The following DMD variants were observed in gnomAD, a reference collection of about 807,000 sequenced individuals.
DMD encodes the protein dystrophin.
Under a neutral mutation model 330.1 loss-of-function variants are expected in DMD, and 63 were observed. That is an observed-to-expected ratio of 0.19 (90% confidence interval 0.16 to 0.24). DMD has a LOEUF of 0.24. Ranked by LOEUF, DMD falls within the 10% of genes least tolerant of loss-of-function variation. The pLI, the probability that DMD is intolerant of heterozygous loss-of-function variation, is 1.00. For missense variants in DMD, 3,344 were observed against 2,684.1 expected (o/e 1.25, Z -5.43); for synonymous variants, 1,223 against 959.8 (o/e 1.27, Z -5.07).
chrX:32,398,681 G>A (rs756140503), intron 30 of DMD, among the ~76,000 whole-genome samples: 1 of 111,205 alleles, frequency 9.0e-6, no homozygotes, highest in Non-Finnish European at 1.9e-5. Context: ...TAATAGAAGA[G>A]TTCATTATAA....
intron 7 of DMD, among the ~76,000 whole-genome samples, chrX:32,703,017 T>TC (rs1443279199): frequency 9.0e-6 from 1 of 111,465 alleles, no homozygotes; most frequent in Non-Finnish European, 1.9e-5. Flanking sequence ...CCTCCATGAT[T>TC]CTTATCATGC....
chrX:32,275,306 T>C (rs955456855), intron 43 of DMD, among the ~76,000 whole-genome samples: 2 of 111,896 alleles, frequency 1.8e-5, no homozygotes, highest in Non-Finnish European at 3.8e-5. Context: ...TTTCTCGAAG[T>C]TTATGATGGT....
intron 60 of DMD, among the ~76,000 whole-genome samples, chrX:31,380,868 G>T (rs183563452): frequency 0.17 from 18,182 of 108,150 alleles, 2,244 homozygotes; most frequent in African/African-American, 0.42. Flanking sequence ...CTGCCTCAAG[G>T]CTTCACAGAC....
At chrX:33,070,525 T>C (rs1428781520) in intron 1 of DMD, among the ~76,000 whole-genome samples, 1 of 109,081 alleles carries the variant, frequency 9.2e-6, no homozygotes, top group Non-Finnish European at 1.9e-5. Flanking sequence ...TGATCTTATG[T>C]AAAGAACACA....
At chrX:32,619,696 G>A (rs808512) in intron 11 of DMD, among the ~76,000 whole-genome samples, 2,191 of 111,649 alleles carry the variant, frequency 0.02, 26 homozygotes, top group Middle Eastern at 0.078. Flanking sequence ...CTATTGGCAG[G>A]AAAGATAGAA....
At chrX:32,276,715 T>A (rs1455705970) in intron 43 of DMD, among the ~76,000 whole-genome samples, 1 of 110,100 alleles carries the variant, frequency 9.1e-6, no homozygotes, top group Non-Finnish European at 1.9e-5. Context: ...AGGTCAGGAG[T>A]TCGAGACCAG....
intron 63 of DMD, among the ~76,000 whole-genome samples, chrX:31,225,463 A>G (rs1312476711): frequency 1.8e-5 from 2 of 112,385 alleles, no homozygotes; most frequent in African/African-American, 6.5e-5. Context: ...CTGCCTTTAA[A>G]TTGAGTTTAA....
chrX:32,503,825 G>GA (rs753847539), intron 18 of DMD, among the ~76,000 whole-genome samples: 1 of 111,637 alleles, frequency 9.0e-6, no homozygotes, highest in South Asian at 3.8e-4. Context: ...GTGGGGCGGG[G>GA]GGATTACAGG....
chrX:32,152,807 T>C (rs2096811658), intron 44 of DMD, among the ~76,000 whole-genome samples: 1 of 111,923 alleles, frequency 8.9e-6, no homozygotes, highest in African/African-American at 3.2e-5. Context: ...TTCCAATGAC[T>C]CTGGCACGTT....
chrX:32,778,605 T>C (rs1371813843), intron 7 of DMD, among the ~76,000 whole-genome samples: 1 of 112,296 alleles, frequency 8.9e-6, no homozygotes, highest in Non-Finnish European at 1.9e-5. Context: ...TGTTCCTTTC[T>C]GGAAATTCTA....
intron 7 of DMD, among the ~76,000 whole-genome samples, chrX:32,754,497 G>A (rs747389291): frequency 1.3e-4 from 14 of 107,869 alleles, no homozygotes; most frequent in Non-Finnish European, 1.7e-4. Context: ...ATCTTATCCC[G>A]ATACCATAGA....
intron 1 of DMD, among the ~76,000 whole-genome samples, chrX:33,326,694 A>C (rs962547730): frequency 1.8e-5 from 2 of 112,099 alleles, no homozygotes; most frequent in Non-Finnish European, 3.8e-5. Flanking sequence ...CCACCTGTGG[A>C]CTTTAAGCAG....
chrX:32,731,200 C>G (rs988181335), intron 7 of DMD, among the ~76,000 whole-genome samples: 1 of 112,118 alleles, frequency 8.9e-6, no homozygotes, highest in Non-Finnish European at 1.9e-5. Context: ...TGCGTGTTTC[C>G]GACGGGCTTA....
intron 1 of DMD, among the ~76,000 whole-genome samples, chrX:33,099,107 TA>T (rs1270157636): frequency 1.8e-5 from 2 of 112,234 alleles, no homozygotes; most frequent in African/African-American, 3.2e-5. Context: ...AGTAGATATT[TA>T]AGAATGTTAG....
At chrX:31,393,079 T>C (rs1461009515) in intron 60 of DMD, among the ~76,000 whole-genome samples, 1 of 112,465 alleles carries the variant, frequency 8.9e-6, no homozygotes, top group African/African-American at 3.2e-5. Context: ...AAGCAGGTCA[T>C]TCTTTTAAAA....
chrX:31,438,503 A>C (rs2064703979), intron 60 of DMD, among the ~76,000 whole-genome samples: 2 of 111,936 alleles, frequency 1.8e-5, no homozygotes, highest in Admixed American at 1.9e-4. Context: ...AAAATTTGAG[A>C]ACCACTAATG....
chrX:31,374,100 T>C lies in DMD; in HGVS notation c.9085-25466A>G, dbSNP rs776256722. On this transcript the variant is annotated intron_variant, in intron 60 of 78. Coordinates refer to ENST00000357033, the MANE Select transcript of DMD (RefSeq NM_004006.3). ...TCACCATCACTGGCCATCAGAGAAA[T>C]GCAAATCAAAACCACAATGAGATAC... Among the ~76,000 whole-genome samples, 3 of 94,399 alleles carry C rather than the reference T, an allele frequency of 3.2e-5. No individual in the cohort carries two copies. In the South Asian group the frequency reaches 1.7e-3, roughly 54 times the overall value. 82.0% of individuals were successfully genotyped at this position (94,399 alleles called of 115,157 possible).
chrX:32,929,697 T>G (rs1201900765), intron 2 of DMD, among the ~76,000 whole-genome samples: 1 of 111,262 alleles, frequency 9.0e-6, no homozygotes, highest in East Asian at 2.8e-4. Flanking sequence ...TTTCTCCTAA[T>G]GCTATCCCTC....
chrX:33,206,096 T>TA (rs2051557935), intron 1 of DMD, among the ~76,000 whole-genome samples: 1 of 111,513 alleles, frequency 9.0e-6, no homozygotes, highest in African/African-American at 3.3e-5. Context: ...ATTTTTCTAC[T>TA]AAAATAAATA....
Sources: gnomAD v4.1 joint callset for allele counts (sites outside exome capture counted in the v4.1 genomes callset) on GRCh38, gnomAD v4.1.1 for gene constraint, MANE v1.5 for transcripts, NCBI Gene and HGNC (gene_info 2026-07-23, HGNC 2026-07-21) for gene names.